The following MDM2 variants were observed in gnomAD, a reference collection of about 807,000 sequenced individuals.
MDM2 encodes MDM2 proto-oncogene, also known as E3 ubiquitin-protein ligase Mdm2.
In MDM2, 11 loss-of-function variants were observed where a neutral mutation model predicts 64.3. The ratio of observed to expected loss-of-function variants is 0.17; its 90% CI spans 0.11 to 0.28. The LOEUF (loss-of-function observed/expected upper bound fraction) is 0.28. Ranked by LOEUF, MDM2 falls within the 10% of genes least tolerant of loss-of-function variation. MDM2 has a pLI of 1.00. For synonymous variants in MDM2, 194 were observed against 192.9 expected (o/e 1.01, Z -0.05); for missense variants, 388 against 577.1 (o/e 0.67, Z 3.36).
chr12:68,812,679 G>C (rs948958874), intron 2 of MDM2, among the ~76,000 whole-genome samples: 1 of 152,128 alleles, frequency 6.6e-6, no homozygotes, highest in South Asian at 2.1e-4. Context: ...TGAACACCTA[G>C]CCTCAAGCAA....
At chr12:68,828,211 G>A (rs1378656663) in intron 7 of MDM2, 2 of 152,010 alleles carry the variant, frequency 1.3e-5, no homozygotes, top group Non-Finnish European at 2.9e-5. Context: ...GGCTCTTTTC[G>A]GAAAAAAACA....
At chr12:68,815,773 A>T in intron 3 of MDM2, 1 of 214,596 alleles carries the variant, frequency 4.7e-6, no homozygotes, top group South Asian at 4.5e-5. Flanking sequence ...CAGTGATAAT[A>T]ATCTTATGAA....
intron 8 of MDM2, among the ~76,000 whole-genome samples, chr12:68,832,892 T>A (rs757715195): frequency 3.3e-5 from 5 of 151,278 alleles, no homozygotes; most frequent in Non-Finnish European, 7.4e-5. Flanking sequence ...TTTGGGAGGC[T>A]GAGGCGGGCG....
chr12:68,809,344 G>C, intron 2 of MDM2, 52 bp downstream of exon 2: 1 of 1,516,836 alleles, frequency 6.6e-7, no homozygotes, highest in Non-Finnish European at 9.2e-7. Flanking sequence ...TTTATGAAGT[G>C]ATAAACTAAA....
chr12:68,811,660 A>G (rs1488789430), intron 2 of MDM2, among the ~76,000 whole-genome samples: 1 of 138,120 alleles, frequency 7.2e-6, no homozygotes, highest in Non-Finnish European at 1.5e-5. Context: ...GCTGGAGTGC[A>G]GTGGCATGAT....
intron 8 of MDM2, among the ~76,000 whole-genome samples, chr12:68,834,931 T>C (rs1186345885): frequency 6.6e-6 from 1 of 152,204 alleles, no homozygotes; most frequent in Admixed American, 6.5e-5. Context: ...TACAATTTAT[T>C]GAAGTCCTGA....
chr12:68,829,278 C>A (rs983330903), intron 8 of MDM2, among the ~76,000 whole-genome samples: 1 of 152,132 alleles, frequency 6.6e-6, no homozygotes, highest in Non-Finnish European at 1.5e-5. Context: ...TTGAGAGTTA[C>A]ACTTTTTAAA....
intron 9 of MDM2, 97 bp downstream of exon 9, chr12:68,836,081 C>A: frequency 9.2e-7 from 1 of 1,085,934 alleles, no homozygotes; most frequent in Non-Finnish European, 1.3e-6. Flanking sequence ...TCAGATTTCA[C>A]TTGAAATCTT....
chr12:68,815,858 A>C, intron 3 of MDM2: 1 of 166,030 alleles, frequency 6.0e-6, no homozygotes. Context: ...GTAGTTGTTA[A>C]TAGGTTTATA....
chr12:68,811,591 T>C (rs1880897612), intron 2 of MDM2, among the ~76,000 whole-genome samples: 2 of 149,630 alleles, frequency 1.3e-5, no homozygotes, highest in South Asian at 2.1e-4. Flanking sequence ...CTGATGGCTT[T>C]CCATTACAGA....
chr12:68,817,107 C>A, intron 4 of MDM2, 162 bp downstream of exon 4: 1 of 690,440 alleles, frequency 1.4e-6, no homozygotes, highest in Non-Finnish European at 2.2e-6. Context: ...AGAACCTGAG[C>A]TCTGGCATCT....
chr12:68,820,245 G>A (rs763920813), intron 4 of MDM2, 80 bp from the exon 5 acceptor site: 1 of 1,054,274 alleles, frequency 9.5e-7, no homozygotes, highest in Non-Finnish European at 1.4e-6. Context: ...GTATGTAGAA[G>A]TCTGGTTAGA....
chr12:68,828,656 G>A, intron 7 of MDM2, 115 bp from the exon 8 acceptor site: 2 of 791,984 alleles, frequency 2.5e-6, no homozygotes, highest in East Asian at 2.7e-5. Flanking sequence ...ATAAAACAGT[G>A]TTAACTTTTG....
intron 8 of MDM2, among the ~76,000 whole-genome samples, chr12:68,835,541 A>G (rs1350970286): frequency 6.6e-6 from 1 of 152,206 alleles, no homozygotes; most frequent in Non-Finnish European, 1.5e-5. Context: ...TGGGGTTTTG[A>G]ACAGGGAAAA....
intron 8 of MDM2, among the ~76,000 whole-genome samples, chr12:68,835,612 G>C (rs557881873): frequency 1.8e-4 from 28 of 152,304 alleles, no homozygotes; most frequent in South Asian, 6.2e-4. Context: ...GATCTGAGGA[G>C]GAAATGTGCG....
rs1884174363 is a variant in MDM2 at position 68,845,155 on chromosome 12, T to C, written c.*5306T>C. ...TGTTAATGGCATTGTGAAAAGTTTT[T>C]AGTTGCGCTTTATGGGTGGATGCTG... On this transcript the variant is annotated 3_prime_UTR_variant, in exon 11 of 11. Coordinates refer to ENST00000258149, the MANE Select transcript of MDM2 (RefSeq NM_002392.6). 8.9e-6 allele frequency: 2 copies of C among 223,620 alleles called. No homozygotes were observed. The highest frequency in any genetic ancestry group is 6.5e-5 in the East Asian group (1 of 15,400). The allele number at this position is 223,620 out of a possible 1,614,324, so 13.9% of individuals were successfully genotyped here. A position where few individuals can be genotyped will look rare whatever the true frequency, so the allele number is the denominator to read the frequency against.
At chr12:68,831,854 G>C (rs546293440) in intron 8 of MDM2, among the ~76,000 whole-genome samples, 7 of 152,274 alleles carry the variant, frequency 4.6e-5, no homozygotes, top group Admixed American at 4.6e-4. Flanking sequence ...GATCACCTGA[G>C]GTCAGGAGTT....
intron 3 of MDM2, among the ~76,000 whole-genome samples, chr12:68,815,086 CCT>C (rs1395087061): frequency 2.0e-5 from 3 of 152,172 alleles, no homozygotes; most frequent in Non-Finnish European, 4.4e-5. Context: ...AAGGCCGATG[CCT>C]GCTTAGCCAG....
Position 68,841,284 on chromosome 12 carries a change from A to G in MDM2, c.*1435A>G, listed in dbSNP as rs1883747198. ...AGGTTTTCTTGATTTAACAATAGAG[A>G]CAGGGTCTCCCTGTGTTGCCCAGGC... On this transcript the variant is annotated 3_prime_UTR_variant, in exon 11 of 11. Transcript: ENST00000258149. 4.9e-6 allele frequency: 1 copy of G among 202,684 alleles called. No individual in the cohort carries two copies. Among genetic ancestry groups the G allele is most frequent in the South Asian group, 1.9e-4 (1 of 5,260 alleles). 12.6% of individuals were successfully genotyped at this position (202,684 alleles called of 1,614,324 possible).
Sources: gnomAD v4.1 joint callset for allele counts (sites outside exome capture counted in the v4.1 genomes callset) on GRCh38, gnomAD v4.1.1 for gene constraint, MANE v1.5 for transcripts, NCBI Gene and HGNC (gene_info 2026-07-23, HGNC 2026-07-21) for gene names.